Variants in URI1 observed in about 807,000 individuals in gnomAD.
URI1 encodes URI1 prefoldin like chaperone, also known as unconventional prefoldin RPB5 interactor 1.
A neutral mutation model predicts 60.2 loss-of-function variants in URI1; 39 were observed. The observed-to-expected ratio is 0.65, with a 90% CI of 0.50 to 0.85. The LOEUF (loss-of-function observed/expected upper bound fraction) is 0.85, where lower values mean the gene tolerates loss of function less well. URI1 is among the 40% of genes least tolerant of loss of function. The probability of loss-of-function intolerance (pLI) is 0.00; values close to 1 mark genes in which losing one functional copy is unlikely to be tolerated. For synonymous variants in URI1, 251 were observed against 236.8 expected (o/e 1.06, Z -0.55); for missense variants, 691 against 665.9 (o/e 1.04, Z -0.42).
intron 1 of URI1, among the ~76,000 whole-genome samples, chr19:29,936,695 A>T (rs149361567): frequency 6.6e-6 from 1 of 152,214 alleles, no homozygotes; most frequent in African/African-American, 2.4e-5. Flanking sequence ...AACTTCTACT[A>T]TGCATATGTT....
intron 4 of URI1, among the ~76,000 whole-genome samples, chr19:29,989,462 C>T (rs771367780): frequency 6.6e-6 from 1 of 151,786 alleles, no homozygotes; most frequent in South Asian, 2.1e-4. Flanking sequence ...CTCACTCTGT[C>T]GCCCAGGCTG....
At chr19:30,010,317 C>T (rs920524797) in intron 8 of URI1, among the ~76,000 whole-genome samples, 5 of 152,102 alleles carry the variant, frequency 3.3e-5, no homozygotes, top group African/African-American at 4.8e-5. Context: ...ATTCCTGCTC[C>T]TATATGAAGT....
Position 30,015,510 on chromosome 19 carries a change from T to C in URI1, c.*441T>C. ...ACTTGCTTTCACATTTTAAAGGCAC[T>C]TTAAAAAAATCTACTTCTCTTGTAG... On this transcript the variant is annotated 3_prime_UTR_variant, in exon 11 of 11. Coordinates refer to ENST00000392271, the MANE Select transcript of URI1 (RefSeq NM_003796.3). 6.6e-7 allele frequency: 1 copy of C among 1,525,802 alleles called. No individual in the cohort carries two copies. Among genetic ancestry groups the C allele is most frequent in the Non-Finnish European group, 8.7e-7 (1 of 1,144,088 alleles). The allele number at this position is 1,525,802 out of a possible 1,614,324, so 94.5% of individuals were successfully genotyped here.
intron 4 of URI1, among the ~76,000 whole-genome samples, chr19:29,993,811 CATT>C (rs1423761021): frequency 6.6e-6 from 1 of 152,144 alleles, no homozygotes; most frequent in Non-Finnish European, 1.5e-5. Context: ...GTATCTTACT[CATT>C]ATTCCAGGGA....
chr19:29,985,288 C>CT lies in URI1; in HGVS notation c.220dup (p.Tyr74LeufsTer2). 6.2e-7 allele frequency: 1 copy of CT among 1,605,360 alleles called. No homozygotes were observed. Among genetic ancestry groups the CT allele is most frequent in the East Asian group, 2.2e-5 (1 of 44,482 alleles). On this transcript the variant is annotated frameshift_variant, in exon 3 of 11. Transcript: ENST00000392271. LOFTEE classifies it high-confidence loss of function. Reference sequence around the variant, plus strand: ...CTCAGCACCTTGCCTGATAAATTGTCTTATAATATAATGGTATGTTTGGTG... The same window carrying CT: ...CTCAGCACCTTGCCTGATAAATTGTCTTTATAATATAATGGTATGTTTGGTG...
chr19:30,005,325 C>T (rs1212943492), intron 4 of URI1, 36 bp from the exon 5 acceptor site: 2 of 1,243,972 alleles, frequency 1.6e-6, no homozygotes, highest in East Asian at 2.4e-5. Context: ...CGTATATATG[C>T]CATGCTTTAC....
intron 1 of URI1, among the ~76,000 whole-genome samples, chr19:29,963,168 GT>G (rs1310052026): frequency 6.6e-6 from 1 of 152,126 alleles, no homozygotes; most frequent in Non-Finnish European, 1.5e-5. Flanking sequence ...TTTGATATCA[GT>G]TTTAGAAAAT....
rs960201188 is a variant in URI1, at chr19:30,012,451, A to G, written c.1345A>G (p.Ser449Gly). 1.9e-6 allele frequency: 3 copies of G among 1,614,114 alleles called. No individual in the cohort carries two copies. The highest frequency in any genetic ancestry group is 2.5e-6 in the Non-Finnish European group (3 of 1,180,030). The change falls in exon 10 of 11, where the codon AGT becomes GGT. Residue 449 changes from serine to glycine, a missense_variant. Ser to Gly is a moderately conservative substitution (Grantham distance 56, BLOSUM62 0). Coordinates refer to ENST00000392271, the MANE Select transcript of URI1 (RefSeq NM_003796.3). ...TATCAGCTGCGAAGAAGCCACTTGC[A>G]GTGACACCAGTGAGAGCATTTTGGA... is the stretch of plus-strand genomic sequence containing the variant. ...RSISCEEATC[S>G]DTSESILEEE...
intron 1 of URI1, among the ~76,000 whole-genome samples, chr19:29,923,923 G>A (rs112214402): frequency 1.3e-5 from 2 of 152,174 alleles, no homozygotes; most frequent in African/African-American, 4.8e-5. Flanking sequence ...AGATTGGCCT[G>A]AGTGATTAGG....
intron 2 of URI1, among the ~76,000 whole-genome samples, chr19:29,976,463 A>G (rs1024869738): frequency 1.1e-4 from 17 of 152,118 alleles, no homozygotes; most frequent in African/African-American, 2.2e-4. Flanking sequence ...CTTACTTTCT[A>G]TGGGCATCTC....
At chr19:29,960,209 T>C (rs2145288202) in intron 1 of URI1, among the ~76,000 whole-genome samples, 1 of 152,304 alleles carries the variant, frequency 6.6e-6, no homozygotes, top group African/African-American at 2.4e-5. Context: ...TGTTTTCTTT[T>C]TCTTGGTAAA....
intron 1 of URI1, among the ~76,000 whole-genome samples, chr19:29,942,982 G>GACCTAAACATTGCTT (rs1235224641): frequency 6.6e-6 from 1 of 152,216 alleles, no homozygotes; most frequent in Non-Finnish European, 1.5e-5. Context: ...AGCTTGTAAT[G>GACCTAAACATTGCTT]ACCTAAACAT....
intron 1 of URI1, among the ~76,000 whole-genome samples, chr19:29,928,093 C>T (rs1361632825): frequency 6.6e-6 from 1 of 151,870 alleles, no homozygotes; most frequent in Non-Finnish European, 1.5e-5. Flanking sequence ...TACTGAGATC[C>T]CAGGTGACAG....
chr19:30,013,669 C>T (rs2056050702), intron 10 of URI1, among the ~76,000 whole-genome samples: 4 of 152,124 alleles, frequency 2.6e-5, no homozygotes, highest in Admixed American at 2.6e-4. Context: ...CATTTTTTAA[C>T]ATCAAAGAAA....
intron 1 of URI1, among the ~76,000 whole-genome samples, chr19:29,935,897 C>T (rs1160954789): frequency 1.3e-5 from 2 of 151,768 alleles, no homozygotes; most frequent in Non-Finnish European, 2.9e-5. Flanking sequence ...AGCAATTCTC[C>T]TGCCTCAGTC....
rs1347203235 is a variant in URI1, at chr19:30,015,188, A to G, written c.*119A>G. Reference sequence around the variant, plus strand: ...TAAGGTATCCTGAGTTACTTTGGCAACAAGTTCTTTTACCCTTACCCGTGG... The same window carrying G: ...TAAGGTATCCTGAGTTACTTTGGCAGCAAGTTCTTTTACCCTTACCCGTGG... On this transcript the variant is annotated 3_prime_UTR_variant, in exon 11 of 11. Coordinates refer to ENST00000392271, the MANE Select transcript of URI1 (RefSeq NM_003796.3). 6.9e-7 allele frequency: 1 copy of G among 1,452,364 alleles called. No individual in the cohort carries two copies. Among genetic ancestry groups the G allele is most frequent in the African/African-American group, 1.4e-5 (1 of 69,794 alleles). 90.0% of individuals were successfully genotyped at this position (1,452,364 alleles called of 1,614,324 possible).
intron 4 of URI1, among the ~76,000 whole-genome samples, chr19:29,991,630 G>A (rs910680213): frequency 1.3e-5 from 2 of 151,994 alleles, no homozygotes; most frequent in Admixed American, 6.6e-5. Flanking sequence ...AGGACTTGCA[G>A]TATAATATTG....
At chr19:29,926,499 C>T (rs1166904863) in intron 1 of URI1, among the ~76,000 whole-genome samples, 1 of 152,074 alleles carries the variant, frequency 6.6e-6, no homozygotes, top group Non-Finnish European at 1.5e-5. Context: ...CCAGACTAGA[C>T]TTGAACTCCT....
At chr19:29,989,873 C>G (rs1331167004) in intron 4 of URI1, among the ~76,000 whole-genome samples, 1 of 151,428 alleles carries the variant, frequency 6.6e-6, no homozygotes, top group African/African-American at 2.4e-5. Flanking sequence ...CAGTGTCTTT[C>G]CAGAGCAAGT....
Sources: gnomAD v4.1 joint callset for allele counts (sites outside exome capture counted in the v4.1 genomes callset) on GRCh38, gnomAD v4.1.1 for gene constraint, MANE v1.5 for transcripts, NCBI Gene and HGNC (gene_info 2026-07-23, HGNC 2026-07-21) for gene names.